CTDP1: variants seen among roughly 807,000 people sequenced by gnomAD.
CTDP1 encodes RNA polymerase II subunit A C-terminal domain phosphatase.
CTDP1 carries 47 observed loss-of-function variants against 91.8 expected under a neutral mutation model. The ratio of observed to expected loss-of-function variants is 0.51; its 90% CI spans 0.41 to 0.65. The LOEUF is 0.65. Among genes scored for constraint, CTDP1 ranks in the 30% least tolerant of loss-of-function variants. The pLI is 0.00. For synonymous variants in CTDP1, 656 were observed against 598.5 expected, an observed-to-expected ratio of 1.10 and a Z score of -1.40; for missense variants, 1,272 against 1,373.7, an observed-to-expected ratio of 0.93 and a Z score of 1.17.
upstream of CTDP1, chr18:79,678,699 T>C (rs113297720): frequency 0.062 from 9,401 of 152,144 alleles, 401 homozygotes; most frequent in South Asian, 0.15. Context: ...ATAAAATTTA[T>C]ATACGTAAGG....
Position 79,753,956 on chromosome 18 carries a change from T to G in CTDP1, c.*166T>G. Reference sequence around the variant, plus strand: ...ATTATTTTGCAGAAATAGGTGTTTTTAAGAAGTTTTACTACAGGAATGTCT... The same window carrying G: ...ATTATTTTGCAGAAATAGGTGTTTTGAAGAAGTTTTACTACAGGAATGTCT... On this transcript the variant is annotated 3_prime_UTR_variant, in exon 13 of 13. Coordinates refer to ENST00000613122, the MANE Select transcript of CTDP1 (RefSeq NM_004715.5). 1 of 965,430 alleles carries G rather than the reference T, an allele frequency of 1.0e-6. No individual in the cohort carries two copies. The allele number at this position is 965,430 out of a possible 1,614,324, so 59.8% of individuals were successfully genotyped here.
intron 10 of CTDP1, among the ~76,000 whole-genome samples, chr18:79,722,179 T>G (rs1238886506): frequency 1.3e-5 from 2 of 152,262 alleles, no homozygotes; most frequent in African/African-American, 4.8e-5. Flanking sequence ...AATTGTTATC[T>G]GAAAACAGAC....
At chr18:79,700,472 A>C (rs1265644076) in intron 4 of CTDP1, among the ~76,000 whole-genome samples, 2 of 152,262 alleles carry the variant, frequency 1.3e-5, no homozygotes, top group East Asian at 1.9e-4. Context: ...CAGTCACAAC[A>C]TTCCCTTAAG....
chr18:79,741,781 C>G (rs1382853716), intron 12 of CTDP1, among the ~76,000 whole-genome samples: 6 of 152,190 alleles, frequency 3.9e-5, no homozygotes, highest in African/African-American at 1.4e-4. Flanking sequence ...AGCTCCCACT[C>G]TTAGACAACA....
chr18:79,727,281 G>T (rs1348783836), intron 10 of CTDP1, among the ~76,000 whole-genome samples: 2 of 152,260 alleles, frequency 1.3e-5, no homozygotes, highest in Non-Finnish European at 2.9e-5. Flanking sequence ...GACTGCGTGT[G>T]TCCAGTTGTA....
chr18:79,692,518 T>G (rs537631351), intron 1 of CTDP1, among the ~76,000 whole-genome samples: 1 of 152,382 alleles, frequency 6.6e-6, no homozygotes, highest in African/African-American at 2.4e-5. Context: ...TTGGTTAAAC[T>G]AGAGCCACCC....
chr18:79,718,048 A>C, intron 10 of CTDP1, 32 bp downstream of exon 10: 1 of 1,609,590 alleles, frequency 6.2e-7, no homozygotes, highest in Non-Finnish European at 8.5e-7. Flanking sequence ...GTCCCCAGCT[A>C]ATGAGGGCTC....
chr18:79,752,112 A>T (rs1018485816), intron 12 of CTDP1, among the ~76,000 whole-genome samples: 10 of 152,250 alleles, frequency 6.6e-5, no homozygotes, highest in Admixed American at 2.0e-4. Flanking sequence ...GGCTCTGGGG[A>T]TCTCCTGGGT....
chr18:79,691,553 TGGACGGCTCCCAGGGTGGACTCGGGGTG>T (rs2085624495), intron 1 of CTDP1, among the ~76,000 whole-genome samples: 1 of 10,838 alleles, frequency 9.2e-5, no homozygotes, highest in Non-Finnish European at 1.6e-4. Flanking sequence ...GGGGGAGGAG[TGGACGGCTCCCAGGGTGGACTCGGGGTG>T]GGGGAGGAGT....
chr18:79,683,519 C>T (rs1274924770), intron 1 of CTDP1, among the ~76,000 whole-genome samples: 2 of 152,180 alleles, frequency 1.3e-5, no homozygotes, highest in East Asian at 1.9e-4. Context: ...AGGGACCTCC[C>T]AGCACCAATG....
At chr18:79,711,862 G>T (rs1280536894) in intron 6 of CTDP1, among the ~76,000 whole-genome samples, 4 of 151,800 alleles carry the variant, frequency 2.6e-5, no homozygotes. Context: ...CACTGTATTC[G>T]AGGAGTTTCC....
At chr18:79,687,692 TC>T (rs2085533608) in intron 1 of CTDP1, among the ~76,000 whole-genome samples, 2 of 145,352 alleles carry the variant, frequency 1.4e-5, no homozygotes, top group African/African-American at 5.1e-5. Context: ...AGTTGACTTC[TC>T]CAGTTCACTG....
At chr18:79,723,813 T>C (rs1403515816) in intron 10 of CTDP1, among the ~76,000 whole-genome samples, 1 of 152,112 alleles carries the variant, frequency 6.6e-6, no homozygotes, top group African/African-American at 2.4e-5. Context: ...CTCCACCTGC[T>C]GTCCCTCCCT....
intron 3 of CTDP1, among the ~76,000 whole-genome samples, chr18:79,697,164 A>G (rs2085764461): frequency 6.6e-6 from 1 of 152,212 alleles, no homozygotes; most frequent in Non-Finnish European, 1.5e-5. Context: ...TCTTTCTGGC[A>G]CCTGCCAGCC....
At chr18:79,700,828 C>T (rs1382704299) in intron 4 of CTDP1, among the ~76,000 whole-genome samples, 1 of 152,098 alleles carries the variant, frequency 6.6e-6, no homozygotes, top group Non-Finnish European at 1.5e-5. Flanking sequence ...GACAGGCTGA[C>T]TCTCTCGTTG....
In CTDP1 at chr18:79,713,132, A is replaced by G. The variant is rs2086117621; in HGVS notation, c.1024A>G (p.Lys342Glu). 1.9e-6 allele frequency: 3 copies of G among 1,613,908 alleles called. No individual in the cohort carries two copies. Among genetic ancestry groups the G allele is most frequent in the Admixed American group, 1.7e-5 (1 of 59,986 alleles). The change falls in exon 7 of 13, where the codon AAG (lysine) becomes GAG (glutamate). Residue 342 changes from lysine (K) to glutamate (E), a missense_variant. Coordinates refer to ENST00000613122, the MANE Select transcript of CTDP1 (RefSeq NM_004715.5). The surrounding 1 kb of genome is among the most constrained non-coding windows in gnomAD (Gnocchi z 4.7). ...TGGGTCCCGAGAATCTCAGACGAGA[A>G]AGAAAGGTGGGTAACCTCCTTCCTG... ...PPGSRESQTR[K>E]KVNHSRGTEV... is the part of the protein sequence containing the mutation.
intron 12 of CTDP1, among the ~76,000 whole-genome samples, chr18:79,737,741 C>G (rs1429217553): frequency 6.6e-6 from 1 of 152,186 alleles, no homozygotes; most frequent in Admixed American, 6.5e-5. Context: ...TCTGTTGATT[C>G]TTAGCGTTCA....
At chr18:79,742,348 G>A (rs1481428887) in intron 12 of CTDP1, among the ~76,000 whole-genome samples, 1 of 152,084 alleles carries the variant, frequency 6.6e-6, no homozygotes, top group African/African-American at 2.4e-5. Context: ...CCTGAGGGTG[G>A]GAGAACCCAT....
At chr18:79,727,339 C>T (rs1471378022) in intron 10 of CTDP1, among the ~76,000 whole-genome samples, 3 of 152,174 alleles carry the variant, frequency 2.0e-5, no homozygotes, top group South Asian at 4.1e-4. Flanking sequence ...ACAGCGTTCG[C>T]GGTGTTCGCG....
Sources: allele counts gnomAD v4.1 joint callset (sites outside exome capture counted in the v4.1 genomes callset), GRCh38; gene constraint gnomAD v4.1.1; non-coding constraint Gnocchi (gnomAD v3.1); transcripts MANE v1.5; gene names NCBI Gene and HGNC (gene_info 2026-07-23, HGNC 2026-07-21).